Variants in DAB1 observed in about 807,000 individuals in gnomAD.
DAB1 encodes the protein disabled homolog 1.
Under a neutral mutation model 64.6 loss-of-function variants are expected in DAB1, and 15 were observed. The observed-to-expected ratio is 0.23, with a 90% CI of 0.16 to 0.36. DAB1 has a LOEUF of 0.36. Among genes scored for constraint, DAB1 ranks in the 10% least tolerant of loss-of-function variants. DAB1 has a pLI of 1.00. For missense variants in DAB1, 596 were observed against 706.7 expected, an observed-to-expected ratio of 0.84 and a Z score of 1.78; for synonymous variants, 235 against 251.9, an observed-to-expected ratio of 0.93 and a Z score of 0.64.
chr1:57,611,188 C>G (rs1178160722), intron 7 of DAB1, among the ~76,000 whole-genome samples: 1 of 131,666 alleles, frequency 7.6e-6, no homozygotes, highest in Non-Finnish European at 1.6e-5. Context: ...GCCTCCCAAA[C>G]TCAGGCACCC....
chr1:58,116,736 A>G (rs1652356398), intron 5 of DAB1, among the ~76,000 whole-genome samples: 1 of 152,090 alleles, frequency 6.6e-6, no homozygotes, highest in African/African-American at 2.4e-5. Flanking sequence ...CTAGTTTTTC[A>G]CTCTATAATT....
At chr1:57,890,808 C>G (rs60452741) in intron 5 of DAB1, among the ~76,000 whole-genome samples, 2 of 152,106 alleles carry the variant, frequency 1.3e-5, no homozygotes, top group African/African-American at 4.8e-5. Flanking sequence ...AAATATTACC[C>G]TGCGTAAAAT....
At chr1:57,665,437 A>T (rs1646435158) in intron 6 of DAB1, among the ~76,000 whole-genome samples, 1 of 152,128 alleles carries the variant, frequency 6.6e-6, no homozygotes, top group South Asian at 2.1e-4. Flanking sequence ...TACATAAGCA[A>T]TGTGTATCAA....
chr1:57,218,532 AAAAAAAAAAAAC>A (rs1285655781), intron 2 of DAB1, among the ~76,000 whole-genome samples: 42 of 150,672 alleles, frequency 2.8e-4, no homozygotes, highest in Middle Eastern at 3.5e-3. Context: ...AAAAAAAAAA[AAAAAAAAAAAAC>A]AGAAAAAAAT....
chr1:57,784,437 T>A (rs1397061858), intron 6 of DAB1, among the ~76,000 whole-genome samples: 1 of 152,070 alleles, frequency 6.6e-6, no homozygotes, highest in Non-Finnish European at 1.5e-5. Context: ...AGGTATCTTG[T>A]ACTAAACAGC....
chr1:58,541,293 CAAAAAAAAAAAAAAAAAAAA>C (rs71043292), intron 1 of DAB1, among the ~76,000 whole-genome samples: 1,227 of 27,352 alleles, frequency 0.045, 5 homozygotes, highest in Non-Finnish European at 0.05. Flanking sequence ...GACTCTGTCT[CAAAAAAAAAAAAAAAAAAAA>C]AAAAAAAAAA....
chr1:57,236,230 T>G (rs1448074822), intron 2 of DAB1, among the ~76,000 whole-genome samples: 1 of 152,210 alleles, frequency 6.6e-6, no homozygotes, highest in East Asian at 1.9e-4. Context: ...GCAGGATCTG[T>G]TTATTTAACA....
intron 5 of DAB1, 62 bp downstream of exon 5, chr1:57,072,221 G>A: frequency 6.3e-7 from 1 of 1,589,940 alleles, no homozygotes; most frequent in Admixed American, 1.7e-5. Context: ...GACCAACGGA[G>A]TCACTGGACT....
intron 3 of DAB1, among the ~76,000 whole-genome samples, chr1:57,138,064 T>C (rs997462159): frequency 2.0e-5 from 3 of 152,188 alleles, no homozygotes; most frequent in African/African-American, 7.2e-5. Context: ...CCTGGTATAC[T>C]GAAGAAATAT....
At chr1:58,313,374 C>T (rs1662473464) in intron 4 of DAB1, among the ~76,000 whole-genome samples, 1 of 152,092 alleles carries the variant, frequency 6.6e-6, no homozygotes, top group South Asian at 2.1e-4. Context: ...CAGAACCCAG[C>T]CCATGACAGG....
intron 2 of DAB1, among the ~76,000 whole-genome samples, chr1:57,269,330 C>T (rs1213000342): frequency 6.6e-6 from 1 of 152,164 alleles, no homozygotes; most frequent in African/African-American, 2.4e-5. Context: ...TGTCTAACTT[C>T]TCAGCCCTTG....
At chr1:57,159,620 T>C (rs1295566963) in intron 2 of DAB1, among the ~76,000 whole-genome samples, 1 of 152,052 alleles carries the variant, frequency 6.6e-6, no homozygotes, top group Non-Finnish European at 1.5e-5. Context: ...GAAATTGCTG[T>C]TTCTGTACAC....
intron 3 of DAB1, among the ~76,000 whole-genome samples, chr1:58,376,163 T>C (rs1569702426): frequency 6.6e-6 from 1 of 151,760 alleles, no homozygotes; most frequent in East Asian, 1.9e-4. Flanking sequence ...AAGGGGTTTT[T>C]TTGTCTCTAT....
chr1:58,317,661 T>C (rs967420465), intron 4 of DAB1, among the ~76,000 whole-genome samples: 6 of 152,200 alleles, frequency 3.9e-5, no homozygotes, highest in Non-Finnish European at 8.8e-5. Flanking sequence ...GGAAGTGGAT[T>C]CTACTTCTGA....
chr1:57,705,095 C>G (rs766851534), intron 6 of DAB1, among the ~76,000 whole-genome samples: 2 of 152,098 alleles, frequency 1.3e-5, no homozygotes, highest in Non-Finnish European at 2.9e-5. Flanking sequence ...TTATATTACC[C>G]ATAGTCCTTT....
In DAB1 at chr1:57,150,578, T is replaced by C. The variant is rs79848225; in HGVS notation, c.68-5149A>G. 5.9e-4 allele frequency among the ~76,000 whole-genome samples: 90 copies of C among 152,332 alleles called. 1 individual carries two copies. Among genetic ancestry groups the C allele is most frequent in the African/African-American group, 1.9e-3 (80 of 41,584 alleles). On this transcript the variant is annotated intron_variant, in intron 2 of 14. Coordinates refer to ENST00000371236, the MANE Select transcript of DAB1 (RefSeq NM_001365792.1). ...ATACAATTTCTCCACCCCTTGGCAC[T>C]ATATGACACTCACAGCTCTGGTCAT...
intron 1 of DAB1, among the ~76,000 whole-genome samples, chr1:57,400,631 CA>C (rs1393406593): frequency 2.0e-5 from 3 of 151,444 alleles, no homozygotes; most frequent in Admixed American, 1.3e-4. Flanking sequence ...TACACAGTTC[CA>C]CGGAGGTCTC....
At chr1:57,516,278 T>G (rs1370678885) in intron 7 of DAB1, among the ~76,000 whole-genome samples, 1 of 152,152 alleles carries the variant, frequency 6.6e-6, no homozygotes, top group Non-Finnish European at 1.5e-5. Context: ...ATTAAGTAAG[T>G]ACATACTAAT....
chr1:57,064,297 T>G (rs1485414132), intron 8 of DAB1, among the ~76,000 whole-genome samples: 1 of 152,218 alleles, frequency 6.6e-6, no homozygotes, highest in Non-Finnish European at 1.5e-5. Flanking sequence ...GTTAGGGACT[T>G]TGCCCAAATC....
Sources: gnomAD v4.1 joint callset for allele counts (sites outside exome capture counted in the v4.1 genomes callset) on GRCh38, gnomAD v4.1.1 for gene constraint, MANE v1.5 for transcripts, NCBI Gene and HGNC (gene_info 2026-07-23, HGNC 2026-07-21) for gene names.